Variants in CFAP58 observed in about 807,000 individuals in gnomAD.
The protein encoded by CFAP58 is cilia- and flagella-associated protein 58.
A neutral mutation model predicts 119.5 loss-of-function variants in CFAP58; 88 were observed. That is an observed-to-expected ratio of 0.74 (90% confidence interval 0.62 to 0.88). The LOEUF is 0.88. Among genes scored for constraint, CFAP58 ranks in the 40% least tolerant of loss-of-function variants. CFAP58 has a pLI of 0.00. For synonymous variants in CFAP58, 365 were observed against 366.3 expected, an observed-to-expected ratio of 1.00 and a Z score of 0.04; for missense variants, 990 against 1,021.2, an observed-to-expected ratio of 0.97 and a Z score of 0.42.
chr10:104,394,619 G>C (rs1040925949), intron 11 of CFAP58, among the ~76,000 whole-genome samples: 4 of 152,128 alleles, frequency 2.6e-5, no homozygotes, highest in Non-Finnish European at 5.9e-5. Flanking sequence ...TTTTATTTGA[G>C]AAACTGTAAC....
At chr10:104,449,151 A>G (rs911596310) in intron 16 of CFAP58, among the ~76,000 whole-genome samples, 5 of 142,370 alleles carry the variant, frequency 3.5e-5, no homozygotes, top group Non-Finnish European at 6.0e-5. Flanking sequence ...AAGTTTAACT[A>G]CTGAGACAGG....
chr10:104,443,083 T>C (rs1456485970), intron 15 of CFAP58, among the ~76,000 whole-genome samples: 2 of 152,192 alleles, frequency 1.3e-5, no homozygotes, highest in East Asian at 1.9e-4. Flanking sequence ...GTGCGAGTTA[T>C]ATAGAGAGAG....
rs776399141 is a variant in CFAP58, at chr10:104,393,378, T to C, written c.1577T>C (p.Val526Ala). 2 of 1,613,790 alleles carry C rather than the reference T, an allele frequency of 1.2e-6. No individual in the cohort carries two copies. The highest frequency in any genetic ancestry group is 2.7e-5 in the African/African-American group (2 of 74,922). Residue 526 changes from valine (V) to alanine (A), a missense_variant, in exon 11 of 18, where the codon GTA (valine) becomes GCA (alanine). Val to Ala is a moderately conservative substitution (Grantham distance 64). Coordinates refer to ENST00000369704, the MANE Select transcript of CFAP58 (RefSeq NM_001008723.2). Reference protein sequence around the residue: ...KRKLKIMIHQVDELKEDISAK... With the variant: ...KRKLKIMIHQADELKEDISAK... ...AAGTTAAAGATTATGATCCATCAGG[T>C]AGATGAGCTGAAAGAAGACATCTCT... is the stretch of plus-strand genomic sequence containing the variant.
At chr10:104,382,668 T>C (rs1369086014) in intron 9 of CFAP58, among the ~76,000 whole-genome samples, 5 of 152,214 alleles carry the variant, frequency 3.3e-5, no homozygotes, top group Non-Finnish European at 5.9e-5. Flanking sequence ...CCCTAAGCTG[T>C]TCTCATGATG....
Position 104,378,840 on chromosome 10 carries a change from C to G in CFAP58, c.1174-1189C>G, listed in dbSNP as rs77007679. ...CTGCCAGATTGCACTGCTACTTACT[C>G]TGTGTTTCAGGGGAACTTGGGCAGC... On this transcript the variant is annotated intron_variant, in intron 8 of 17. Transcript: ENST00000369704. Among the ~76,000 whole-genome samples the G allele has an allele frequency of 2.1e-3, 317 of 151,806 alleles. 11 individuals are homozygous for G. The East Asian group carries it at 0.048, about 23-fold the overall frequency.
intron 5 of CFAP58, 28 bp downstream of exon 5, chr10:104,366,036 A>T: frequency 9.9e-6 from 15 of 1,517,874 alleles, no homozygotes; most frequent in Non-Finnish European, 1.2e-5. Context: ...CTTCGCAAAA[A>T]ACCAAGAAAA....
intron 3 of CFAP58, among the ~76,000 whole-genome samples, chr10:104,363,628 C>G (rs2014701859): frequency 6.6e-6 from 1 of 152,160 alleles, no homozygotes; most frequent in Non-Finnish European, 1.5e-5. Context: ...ACAATCCAGC[C>G]AATAATTTTA....
chr10:104,433,840 T>G (rs7087214), intron 15 of CFAP58, among the ~76,000 whole-genome samples: 19,334 of 152,286 alleles, frequency 0.13, 3,267 homozygotes, highest in African/African-American at 0.38. Context: ...TACATTGCAT[T>G]TTTTAACAAG....
chr10:104,362,813 G>A lies in CFAP58; in HGVS notation c.440+642G>A, dbSNP rs137907541. ...TGAAGCACATGTGCACCTATCCCCA[G>A]CATAAACACTTTCAATAGCTACCCA... On this transcript the variant is annotated intron_variant, in intron 3 of 17. Transcript: ENST00000369704. Among the ~76,000 whole-genome samples the A allele has an allele frequency of 1.8e-3, 271 of 152,182 alleles. 1 individual carries two copies. The highest frequency in any genetic ancestry group is 6.2e-3 in the African/African-American group (256 of 41,518).
intron 15 of CFAP58, among the ~76,000 whole-genome samples, chr10:104,434,797 A>G (rs975706184): frequency 6.6e-6 from 1 of 152,154 alleles, no homozygotes; most frequent in African/African-American, 2.4e-5. Context: ...TTATCACAAC[A>G]TCCTGTTGAG....
At chr10:104,413,706 ACATCATCAT>A (rs199893413) in intron 15 of CFAP58, among the ~76,000 whole-genome samples, 3,922 of 143,842 alleles carry the variant, frequency 0.027, 184 homozygotes, top group African/African-American at 0.1. Flanking sequence ...GGGTATCATT[ACATCATCAT>A]CATCATCATC....
Position 104,380,577 on chromosome 10 carries a change from G to A in CFAP58, c.1365+357G>A, listed in dbSNP as rs117872263. Among the ~76,000 whole-genome samples the A allele has an allele frequency of 3.5e-4, 54 of 152,192 alleles. No individual in the cohort carries two copies. In the East Asian group the frequency reaches 9.3e-3, roughly 26 times the overall value. ...CAGTCTCCGCACCCACCCAGCATCT[G>A]TCACTGAAACTTTTGTCCCCTCAGG... On this transcript the variant is annotated intron_variant, in intron 9 of 17. Coordinates refer to ENST00000369704, the MANE Select transcript of CFAP58 (RefSeq NM_001008723.2).
chr10:104,421,939 A>G (rs543841935), intron 15 of CFAP58, among the ~76,000 whole-genome samples: 126 of 152,276 alleles, frequency 8.3e-4, no homozygotes, highest in African/African-American at 2.9e-3. Context: ...TAATCCTAGC[A>G]CTTCGGGAGG....
the CFAP58 span, among the ~76,000 whole-genome samples, chr10:104,344,377 A>G: frequency 7.2e-5 from 11 of 152,240 alleles, no homozygotes; most frequent in East Asian, 1.9e-4. Flanking sequence ...TTGGCAAACT[A>G]TGGCTGTCAG....
the CFAP58 span, among the ~76,000 whole-genome samples, chr10:104,343,275 T>C: frequency 6.6e-6 from 1 of 152,358 alleles, no homozygotes; most frequent in Non-Finnish European, 1.5e-5. Flanking sequence ...TCAGTGCTGG[T>C]CACGTCCCTC....
intron 15 of CFAP58, among the ~76,000 whole-genome samples, chr10:104,440,518 T>C (rs917219191): frequency 2.0e-5 from 3 of 152,126 alleles, no homozygotes; most frequent in African/African-American, 7.2e-5. Flanking sequence ...AGTCCAAACA[T>C]TTATAACCAG....
chr10:104,403,994 T>G (rs958694437), intron 14 of CFAP58, among the ~76,000 whole-genome samples, 154 bp downstream of exon 14: 14 of 152,198 alleles, frequency 9.2e-5, no homozygotes, highest in African/African-American at 3.4e-4. Flanking sequence ...TAAATTGAGT[T>G]TTCTCAGAAC....
intron 16 of CFAP58, among the ~76,000 whole-genome samples, chr10:104,449,341 C>T (rs2013158747): frequency 6.6e-6 from 1 of 152,198 alleles, no homozygotes; most frequent in South Asian, 2.1e-4. Context: ...TAAATCCAGC[C>T]TATTGCATGC....
chr10:104,391,637 C>T (rs1175171791), intron 9 of CFAP58, among the ~76,000 whole-genome samples: 1 of 152,152 alleles, frequency 6.6e-6, no homozygotes, highest in Non-Finnish European at 1.5e-5. Flanking sequence ...GTTTTTCATG[C>T]TTGCAAAAAT....
Sources: allele counts gnomAD v4.1 joint callset (sites outside exome capture counted in the v4.1 genomes callset), GRCh38; gene constraint gnomAD v4.1.1; transcripts MANE v1.5; gene names NCBI Gene and HGNC (gene_info 2026-07-23, HGNC 2026-07-21).